The following UCMA variants were observed in gnomAD, a reference collection of about 807,000 sequenced individuals.
UCMA encodes upper zone of growth plate and cartilage matrix associated, also known as upper zone of growth plate and cartilage matrix-associated protein.
Under a neutral mutation model 21.8 loss-of-function variants are expected in UCMA, and 21 were observed. That is an observed-to-expected ratio of 0.97 (90% CI 0.68 to 1.39). UCMA has a LOEUF of 1.39. Ranked by LOEUF, UCMA falls within the 40% of genes most tolerant of loss-of-function variation. UCMA has a pLI of 0.00. For missense variants in UCMA, 193 were observed against 178.9 expected (o/e 1.08, Z -0.45); for synonymous variants, 76 against 67.9 (o/e 1.12, Z -0.58).
At chr10:13,228,461 T>A (rs2131605115) in intron 4 of UCMA, among the ~76,000 whole-genome samples, 1 of 152,282 alleles carries the variant, frequency 6.6e-6, no homozygotes, top group Non-Finnish European at 1.5e-5. Context: ...GGTGATCTGA[T>A]GCTTTTGGAT....
chr10:13,229,906 A>G (rs1834876909), intron 3 of UCMA, among the ~76,000 whole-genome samples, 197 bp from the exon 4 acceptor site: 1 of 152,194 alleles, frequency 6.6e-6, no homozygotes, highest in Non-Finnish European at 1.5e-5. Context: ...TATCTGATCC[A>G]GCTGCCTCAT....
intron 4 of UCMA, among the ~76,000 whole-genome samples, chr10:13,224,507 A>G (rs958989740): frequency 6.6e-6 from 1 of 152,200 alleles, no homozygotes; most frequent in African/African-American, 2.4e-5. Flanking sequence ...TTTGTCAAAG[A>G]TGTTGGAAGG....
chr10:13,229,570 A>G (rs764998260), intron 4 of UCMA, 41 bp downstream of exon 4: 3 of 1,564,818 alleles, frequency 1.9e-6, no homozygotes, highest in Admixed American at 3.6e-5. Context: ...TTTCTCCCCA[A>G]CGCTCCACCT....
intron 1 of UCMA, 87 bp downstream of exon 1, chr10:13,234,114 T>C (rs1834938218): frequency 1.5e-6 from 2 of 1,311,780 alleles, no homozygotes; most frequent in African/African-American, 1.5e-5. Flanking sequence ...CCTTTCTACC[T>C]GCATCACCTG....
chr10:13,229,769 AC>A, intron 3 of UCMA, 60 bp from the exon 4 acceptor site: 1 of 1,416,772 alleles, frequency 7.1e-7, no homozygotes, highest in Admixed American at 1.7e-5. Context: ...AGGGGCACAC[AC>A]TTAGGGGAGC....
chr10:13,224,737 G>A (rs1834802246), intron 4 of UCMA, among the ~76,000 whole-genome samples: 1 of 152,220 alleles, frequency 6.6e-6, no homozygotes, highest in Non-Finnish European at 1.5e-5. Context: ...TAGCACCTGT[G>A]AGAGCCGCGT....
Position 13,222,103 on chromosome 10 carries a change from T to G in UCMA, c.417A>C (p.Ter139CysextTer55). 4 of 1,614,100 alleles carry G rather than the reference T, an allele frequency of 2.5e-6. No individual in the cohort carries two copies. Among genetic ancestry groups the G allele is most frequent in the Non-Finnish European group, 3.4e-6 (4 of 1,180,004 alleles). ...PSYLYNRHHT[*>C] Reference sequence around the variant, plus strand: ...CTTCTTGGCCGGCTTCAGGATGGGATCAGGTGTGGTGGCGGTTGTAGAGAT... The same window carrying G: ...CTTCTTGGCCGGCTTCAGGATGGGAGCAGGTGTGGTGGCGGTTGTAGAGAT... The change falls in exon 5 of 5, where the codon TGA becomes TGC. Residue 139 changes from the stop codon to cysteine (C), a stop_lost. Transcript: ENST00000378681.
rs373366917 is a variant in UCMA at position 13,222,769 on chromosome 10, C to T, written c.320-569G>A. On this transcript the variant is annotated intron_variant, in intron 4 of 4. Transcript: ENST00000378681. ...GCAGTGGCGTGATCATGACTCACCG[C>T]GGCTTCAACCTCCCAGGGCTCAGGC... 7.2e-5 allele frequency among the ~76,000 whole-genome samples: 11 copies of T among 151,970 alleles called. No homozygotes were observed. In the East Asian group the frequency reaches 1.2e-3, roughly 16 times the overall value.
At chr10:13,228,618 G>A (rs887921545) in intron 4 of UCMA, among the ~76,000 whole-genome samples, 19 of 152,134 alleles carry the variant, frequency 1.2e-4, no homozygotes, top group African/African-American at 4.3e-4. Flanking sequence ...GTCAATGAAG[G>A]CCTTGATTTT....
chr10:13,233,907 C>A lies in UCMA; in HGVS notation c.59-107G>T, dbSNP rs536942816. The A allele has an allele frequency of 5.9e-5, 83 of 1,412,782 alleles. No homozygotes were observed. In the East Asian group the frequency reaches 1.0e-3, roughly 18 times the overall value. The allele number at this position is 1,412,782 out of a possible 1,614,324, so 87.5% of individuals were successfully genotyped here. ...GGCTAAGCGTCCTGCCAGGGCCTGG[C>A]AGGGGGCCCGTGGTTTCTCACGTAC... On this transcript the variant is annotated intron_variant, in intron 1 of 4. Coordinates refer to ENST00000378681, the MANE Select transcript of UCMA (RefSeq NM_145314.3).
At chr10:13,232,422 A>G (rs969620717) in intron 3 of UCMA, among the ~76,000 whole-genome samples, 2 of 151,432 alleles carry the variant, frequency 1.3e-5, no homozygotes, top group Admixed American at 1.3e-4. Context: ...TGCCTGGCCT[A>G]AAATCATGCC....
At chr10:13,229,217 T>A (rs1834863841) in intron 4 of UCMA, among the ~76,000 whole-genome samples, 1 of 152,160 alleles carries the variant, frequency 6.6e-6, no homozygotes, top group African/African-American at 2.4e-5. Context: ...ATTACAGGCA[T>A]GAGCGACTGC....
chr10:13,229,777 G>C, intron 3 of UCMA, 68 bp from the exon 4 acceptor site: 1 of 1,344,760 alleles, frequency 7.4e-7, no homozygotes, highest in Non-Finnish European at 1.1e-6. Context: ...ACACTTAGGG[G>C]AGCACAGTTC....
At chr10:13,234,010 A>C (rs1834936381) in intron 1 of UCMA, among the ~76,000 whole-genome samples, 191 bp downstream of exon 1, 1 of 149,330 alleles carries the variant, frequency 6.7e-6, no homozygotes. Context: ...TTCTTTCTTT[A>C]CTGTTTTTTA....
intron 3 of UCMA, among the ~76,000 whole-genome samples, chr10:13,231,414 G>T (rs569232549): frequency 1.3e-5 from 2 of 152,242 alleles, no homozygotes; most frequent in South Asian, 2.1e-4. Flanking sequence ...GGCAGAGCTA[G>T]GGTACCAGGT....
intron 4 of UCMA, among the ~76,000 whole-genome samples, chr10:13,228,748 C>T (rs536945422): frequency 2.5e-4 from 38 of 152,074 alleles, no homozygotes; most frequent in South Asian, 8.3e-4. Flanking sequence ...GGTGCTTAGA[C>T]GGAGAACACA....
chr10:13,228,556 CT>C (rs771876091), intron 4 of UCMA, among the ~76,000 whole-genome samples: 4 of 152,154 alleles, frequency 2.6e-5, no homozygotes, highest in African/African-American at 4.8e-5. Flanking sequence ...CTGAGTTCAG[CT>C]TTCCTGGTTT....
rs1834841192 is a variant in UCMA at position 13,227,731 on chromosome 10, AAG to A, written c.319+1878_319+1879del. 1.4e-4 allele frequency among the ~76,000 whole-genome samples: 15 copies of A among 109,814 alleles called. No individual in the cohort carries two copies. In the South Asian group the frequency reaches 5.2e-3, roughly 38 times the overall value. 72.0% of individuals were successfully genotyped at this position (109,814 alleles called of 152,430 possible). A position where few individuals can be genotyped will look rare whatever the true frequency, so the allele number is the denominator to read the frequency against. On this transcript the variant is annotated intron_variant, in intron 4 of 4. Transcript: ENST00000378681. ...GACTGTCTCAAAAAAAAAAAAAAAA[AAG>A]GAAAGGAAATACACACACACACACA... is the stretch of plus-strand genomic sequence containing the variant.
At chr10:13,232,050 G>A (rs1052282681) in intron 3 of UCMA, among the ~76,000 whole-genome samples, 2 of 152,122 alleles carry the variant, frequency 1.3e-5, no homozygotes, top group African/African-American at 2.4e-5. Flanking sequence ...CAGGCTAAAT[G>A]GTGTAGCTCA....
Sources: allele counts gnomAD v4.1 joint callset (sites outside exome capture counted in the v4.1 genomes callset), GRCh38; gene constraint gnomAD v4.1.1; transcripts MANE v1.5; gene names NCBI Gene and HGNC (gene_info 2026-07-23, HGNC 2026-07-21).